Variants in IQGAP2 observed in about 807,000 individuals in gnomAD.
The protein encoded by IQGAP2 is IQ motif containing GTPase activating protein 2.
IQGAP2 carries 173 observed loss-of-function variants against 201.3 expected under a neutral mutation model. The observed-to-expected ratio is 0.86, with a 90% CI of 0.76 to 0.98. IQGAP2 has a LOEUF of 0.98. IQGAP2 is among the 50% of genes least tolerant of loss of function. The pLI, the probability that IQGAP2 is intolerant of heterozygous loss-of-function variation, is 0.00. For synonymous variants in IQGAP2, 675 were observed against 673.9 expected, an observed-to-expected ratio of 1.00 and a Z score of -0.03; for missense variants, 1,687 against 1,864.8, an observed-to-expected ratio of 0.90 and a Z score of 1.76.
chr5:76,670,134 T>A (rs764112446), intron 23 of IQGAP2, among the ~76,000 whole-genome samples: 11 of 152,122 alleles, frequency 7.2e-5, no homozygotes, highest in Non-Finnish European at 1.3e-4. Flanking sequence ...TGGGTTTTGG[T>A]TGGGCTCTGG....
At chr5:76,650,815 G>T (rs1448563938) in intron 17 of IQGAP2, among the ~76,000 whole-genome samples, 1 of 152,082 alleles carries the variant, frequency 6.6e-6, no homozygotes, top group South Asian at 2.1e-4. Flanking sequence ...TCCCTCAGTG[G>T]GACTGCAATT....
chr5:76,452,745 C>G (rs1274112461), intron 1 of IQGAP2, among the ~76,000 whole-genome samples: 1 of 152,142 alleles, frequency 6.6e-6, no homozygotes, highest in African/African-American at 2.4e-5. Context: ...AGTGGCACTT[C>G]AGTTTAGTAG....
chr5:76,447,683 A>T (rs1753477008), intron 1 of IQGAP2, among the ~76,000 whole-genome samples: 1 of 152,142 alleles, frequency 6.6e-6, no homozygotes. Flanking sequence ...GAAGTTGCTT[A>T]TGTGGCCTGA....
intron 2 of IQGAP2, among the ~76,000 whole-genome samples, chr5:76,506,662 G>A (rs1757621079): frequency 5.9e-5 from 9 of 152,150 alleles, no homozygotes; most frequent in Admixed American, 5.9e-4. Context: ...ACTAACAAGT[G>A]ATTATAGCAA....
At chr5:76,703,653 C>CAA (rs60408771) in intron 35 of IQGAP2, among the ~76,000 whole-genome samples, 6,444 of 135,616 alleles carry the variant, frequency 0.048, 465 homozygotes, top group African/African-American at 0.15. Flanking sequence ...AGTTTCTGTG[C>CAA]AAAAAAAAAA....
chr5:76,501,695 T>G (rs1757287107), intron 2 of IQGAP2, among the ~76,000 whole-genome samples: 1 of 128,334 alleles, frequency 7.8e-6, no homozygotes, highest in Non-Finnish European at 1.6e-5. Context: ...CAGGCTGGAG[T>G]GTAATGGCAC....
In IQGAP2 at chr5:76,630,550, A is replaced by G. The variant is rs368452097; in HGVS notation, c.1613-1309A>G. Among the ~76,000 whole-genome samples the G allele has an allele frequency of 7.9e-5, 12 of 152,136 alleles. No homozygotes were observed. In the East Asian group the frequency reaches 9.6e-4, roughly 12 times the overall value. ...CTGTGAACCAGCTCATCGATACTCA[A>G]TGATGATATATCCAAGAAATGTGTG... On this transcript the variant is annotated intron_variant, in intron 14 of 35. Coordinates refer to ENST00000274364, the MANE Select transcript of IQGAP2 (RefSeq NM_006633.5).
chr5:76,511,498 A>T (rs534052258), intron 2 of IQGAP2, among the ~76,000 whole-genome samples: 2 of 152,200 alleles, frequency 1.3e-5, no homozygotes. Flanking sequence ...TGAGCTAGCT[A>T]CCACTGCACC....
At chr5:76,613,771 G>T (rs12697856) in intron 13 of IQGAP2, among the ~76,000 whole-genome samples, 65,329 of 151,686 alleles carry the variant, frequency 0.43, 14,948 homozygotes, top group Non-Finnish European at 0.52. Context: ...ATCAGCTCAC[G>T]GAAACCTCCA....
chr5:76,640,703 T>C (rs1262978745), intron 16 of IQGAP2, among the ~76,000 whole-genome samples: 2 of 152,226 alleles, frequency 1.3e-5, no homozygotes, highest in African/African-American at 2.4e-5. Context: ...CCTGAGATCA[T>C]TGAGCTGCAT....
At chr5:76,426,903 A>AGGGTGTGTGTGTGTGTGTGT (rs1752034617) in intron 1 of IQGAP2, among the ~76,000 whole-genome samples, 1 of 58,544 alleles carries the variant, frequency 1.7e-5, no homozygotes, top group Non-Finnish European at 4.0e-5. Flanking sequence ...AAAACCATGG[A>AGGGTGTGTGTGTGTGTGTGT]GGGTGTGTGT....
In IQGAP2 at chr5:76,631,947, T is replaced by G; in HGVS notation, c.1701T>G (p.Asn567Lys). The G allele has an allele frequency of 5.6e-6, 9 of 1,612,980 alleles. No homozygotes were observed. The highest frequency in any genetic ancestry group is 7.6e-6 in the Non-Finnish European group (9 of 1,179,268). ...CTGTATTGAAGTCTTCCACTTCTAA[T>G]GCAAATGACATAATCCCGGAGTGTG... ...ILSVLKSSTS[N>K]ANDIIPECAD... The change falls in exon 15 of 36, where the codon AAT (asparagine) becomes AAG (lysine). Residue 567 changes from asparagine to lysine, a missense_variant. Coordinates refer to ENST00000274364, the MANE Select transcript of IQGAP2 (RefSeq NM_006633.5).
At chr5:76,472,021 G>T (rs1755140733) in intron 2 of IQGAP2, among the ~76,000 whole-genome samples, 1 of 152,160 alleles carries the variant, frequency 6.6e-6, no homozygotes, top group Non-Finnish European at 1.5e-5. Context: ...TTTCCACGGG[G>T]AGCAAGATGA....
At chr5:76,455,079 C>T (rs1218527980) in intron 1 of IQGAP2, among the ~76,000 whole-genome samples, 1 of 152,076 alleles carries the variant, frequency 6.6e-6, no homozygotes, top group Non-Finnish European at 1.5e-5. Flanking sequence ...ATGAATTTTT[C>T]TCTTGTGTGA....
chr5:76,707,287 C>T lies in IQGAP2; in HGVS notation c.4702C>T (p.Leu1568=), dbSNP rs748511061. 2 of 1,550,868 alleles carry T rather than the reference C, an allele frequency of 1.3e-6. No individual in the cohort carries two copies. Among genetic ancestry groups the T allele is most frequent in the Non-Finnish European group, 1.8e-6 (2 of 1,122,678 alleles). The change falls in exon 36 of 36, where the codon CTG becomes TTG. Residue 1568 remains leucine (L), a synonymous_variant. Coordinates refer to ENST00000274364, the MANE Select transcript of IQGAP2 (RefSeq NM_006633.5). ...GAATGTAAACCTTCTCATATACCTG[C>T]TGAACAAGAAGTTCTATGGAAAGTG... ...KVNVNLLIYL[L]NKKFYGK
At chr5:76,515,300 G>A (rs963576313) in intron 2 of IQGAP2, among the ~76,000 whole-genome samples, 1 of 152,136 alleles carries the variant, frequency 6.6e-6, no homozygotes, top group African/African-American at 2.4e-5. Flanking sequence ...TTTGATCACT[G>A]TTTTACATTC....
At chr5:76,625,479 AC>A (rs1204334388) in intron 13 of IQGAP2, among the ~76,000 whole-genome samples, 3 of 151,878 alleles carry the variant, frequency 2.0e-5, no homozygotes, top group Non-Finnish European at 2.9e-5. Flanking sequence ...TCCCCTTTCC[AC>A]CCGGCTTCCT....
rs968891447 is a variant in IQGAP2 at position 76,501,601 on chromosome 5, A to G, written c.146+39932A>G. Among the ~76,000 whole-genome samples, 9 of 134,744 alleles carry G rather than the reference A, an allele frequency of 6.7e-5. No individual in the cohort carries two copies. The South Asian group carries it at 1.4e-3, about 21-fold the overall frequency. 88.4% of individuals were successfully genotyped at this position (134,744 alleles called of 152,430 possible). ...ACTATGAAGTGAAGTCTGAGCTTTTATGTTCTAAGCAGCCCTCCTGCTGCA... is the reference window on the plus strand; with the variant it reads ...ACTATGAAGTGAAGTCTGAGCTTTTGTGTTCTAAGCAGCCCTCCTGCTGCA... On this transcript the variant is annotated intron_variant, in intron 2 of 35. Coordinates refer to ENST00000274364, the MANE Select transcript of IQGAP2 (RefSeq NM_006633.5).
chr5:76,457,422 G>C (rs1489101070), intron 1 of IQGAP2, among the ~76,000 whole-genome samples: 1 of 152,060 alleles, frequency 6.6e-6, no homozygotes, highest in African/African-American at 2.4e-5. Flanking sequence ...TCAAATCTAA[G>C]CATTTCGTAA....
Sources: gnomAD v4.1 joint callset for allele counts (sites outside exome capture counted in the v4.1 genomes callset) on GRCh38, gnomAD v4.1.1 for gene constraint, MANE v1.5 for transcripts, NCBI Gene and HGNC (gene_info 2026-07-23, HGNC 2026-07-21) for gene names.